The following SLC7A8 variants were observed in gnomAD, a reference collection of about 807,000 sequenced individuals.
The protein encoded by SLC7A8 is solute carrier family 7 member 8, also known as large neutral amino acids transporter small subunit 2.
A neutral mutation model predicts 51.2 loss-of-function variants in SLC7A8; 30 were observed. The observed-to-expected ratio is 0.59, with a 90% CI of 0.44 to 0.80. The LOEUF (loss-of-function observed/expected upper bound fraction) is 0.80, where lower values mean the gene tolerates loss of function less well. Ranked by LOEUF, SLC7A8 falls within the 30% of genes least tolerant of loss-of-function variation. SLC7A8 has a pLI of 0.00. For synonymous variants in SLC7A8, 257 were observed against 275.8 expected, an observed-to-expected ratio of 0.93 and a Z score of 0.67; for missense variants, 612 against 674.4, an observed-to-expected ratio of 0.91 and a Z score of 1.03.
chr14:23,140,724 T>TGTTGAGCCGTAGATGCCGTCG, intron 4 of SLC7A8, 100 bp from the exon 5 acceptor site: 1 of 1,174,046 alleles, frequency 8.5e-7, no homozygotes, highest in Non-Finnish European at 1.2e-6. Flanking sequence ...CCTGTGGCAA[T>TGTTGAGCCGTAGATGCCGTCG]GACACCAACT....
Position 23,127,961 on chromosome 14 carries a change from G to T in SLC7A8, c.1441+58C>A. 2.6e-6 allele frequency: 4 copies of T among 1,518,764 alleles called. No individual in the cohort carries two copies. In the South Asian group the frequency reaches 3.7e-5, roughly 14 times the overall value. The allele number at this position is 1,518,764 out of a possible 1,614,324, so 94.1% of individuals were successfully genotyped here. On this transcript the variant is annotated intron_variant, in intron 10 of 10. Coordinates refer to ENST00000316902, the MANE Select transcript of SLC7A8 (RefSeq NM_012244.4). The stretch of plus-strand genomic sequence containing the variant: ...CTGGTGGCTCCCCAACCCCATCACT[G>T]ACCACTGCATTCCAGCCCAGGAGGC...
chr14:23,133,819 G>A (rs966142015), intron 7 of SLC7A8, among the ~76,000 whole-genome samples: 3 of 151,130 alleles, frequency 2.0e-5, no homozygotes, highest in African/African-American at 4.9e-5. Flanking sequence ...GTGAAACTCT[G>A]TCTCAAAGAA....
At chr14:23,168,469 C>T (rs1337512016) in intron 1 of SLC7A8, among the ~76,000 whole-genome samples, 1 of 152,134 alleles carries the variant, frequency 6.6e-6, no homozygotes, top group African/African-American at 2.4e-5. Context: ...AAATTCCTTG[C>T]CTAGCAGGAA....
intron 9 of SLC7A8, 76 bp downstream of exon 9, chr14:23,129,574 G>A: frequency 6.5e-7 from 1 of 1,530,882 alleles, no homozygotes; most frequent in South Asian, 1.2e-5. Context: ...GCTAAGAACA[G>A]AGGTGATTTA....
At chr14:23,129,937 T>C in intron 8 of SLC7A8, 138 bp from the exon 9 acceptor site, 1 of 867,158 alleles carries the variant, frequency 1.2e-6, no homozygotes, top group Non-Finnish European at 1.8e-6. Flanking sequence ...CTTTAGAACC[T>C]CCCCTAGTAA....
chr14:23,137,771 A>T (rs924203236), intron 7 of SLC7A8, 150 bp downstream of exon 7: 4 of 922,292 alleles, frequency 4.3e-6, no homozygotes, highest in Non-Finnish European at 1.6e-6. Flanking sequence ...ACTGACACAC[A>T]CGCCCTCATG....
chr14:23,143,196 T>C lies in SLC7A8; in HGVS notation c.517A>G (p.Thr173Ala). The C allele has an allele frequency of 6.2e-7, 1 of 1,614,202 alleles. No individual in the cohort carries two copies. Among genetic ancestry groups the C allele is most frequent in the African/African-American group, 1.3e-5 (1 of 75,070 alleles). ...LLAAICLLLL[T>A]WVNCSSVRWA... ...CGCACACTGGAACAGTTGACCCATG[T>C]GAGGAGCACTGAAATGAAAGACCCC... The change falls in exon 4 of 11, where the codon ACA (threonine) becomes GCA (alanine). Residue 173 changes from threonine (T) to alanine (A), a missense_variant. Thr to Ala is a moderately conservative substitution (Grantham distance 58). Coordinates refer to ENST00000316902, the MANE Select transcript of SLC7A8 (RefSeq NM_012244.4).
intron 5 of SLC7A8, among the ~76,000 whole-genome samples, chr14:23,139,781 G>A (rs1286593022): frequency 6.6e-6 from 1 of 152,220 alleles, no homozygotes; most frequent in African/African-American, 2.4e-5. Context: ...AGGCCAAGGA[G>A]GGAGGATTGT....
At chr14:23,143,302 A>G in intron 3 of SLC7A8, 98 bp from the exon 4 acceptor site, 1 of 1,519,690 alleles carries the variant, frequency 6.6e-7, no homozygotes, top group South Asian at 1.2e-5. Context: ...CCTGACGATG[A>G]CATTGTAGTA....
chr14:23,182,774 A>G lies in SLC7A8; in HGVS notation c.141T>C (p.Gly47=). 1 of 1,583,144 alleles carries G rather than the reference A, an allele frequency of 6.3e-7. No homozygotes were observed. The highest frequency in any genetic ancestry group is 8.6e-7 in the Non-Finnish European group (1 of 1,166,542). Residue 47 remains glycine, a synonymous_variant, in exon 1 of 11, where the codon GGT becomes GGC. Coordinates refer to ENST00000316902, the MANE Select transcript of SLC7A8 (RefSeq NM_012244.4). ...AGGAATGGAACTCACCTACGATGAT[A>G]CCACAGGCACTGACCAATCCGATCT... The part of the protein sequence containing the change: ...KKEIGLVSAC[G]IIVGNIIGSG...
intron 7 of SLC7A8, among the ~76,000 whole-genome samples, chr14:23,132,677 C>T (rs921537189): frequency 6.0e-4 from 91 of 151,342 alleles, no homozygotes; most frequent in African/African-American, 2.2e-3. Flanking sequence ...CTCTTGTTGC[C>T]CAGGCTGGAG....
chr14:23,182,442 AAC>A (rs1267402956), intron 1 of SLC7A8, among the ~76,000 whole-genome samples: 2 of 152,160 alleles, frequency 1.3e-5, no homozygotes, highest in African/African-American at 4.8e-5. Flanking sequence ...AAACCTATTG[AAC>A]TAGAACCTCC....
chr14:23,141,483 T>C (rs2140313439), intron 4 of SLC7A8, among the ~76,000 whole-genome samples: 1 of 152,356 alleles, frequency 6.6e-6, no homozygotes, highest in East Asian at 1.9e-4. Flanking sequence ...GGAGTCTCGC[T>C]CTGTCGCCCA....
At chr14:23,151,921 T>C (rs2048850818) in intron 3 of SLC7A8, among the ~76,000 whole-genome samples, 1 of 151,926 alleles carries the variant, frequency 6.6e-6, no homozygotes, top group African/African-American at 2.4e-5. Flanking sequence ...AAAATTAGCA[T>C]GCCTGTAATG....
At chr14:23,129,610 T>C (rs750284219) in intron 9 of SLC7A8, 40 bp downstream of exon 9, 3 of 1,605,148 alleles carry the variant, frequency 1.9e-6, no homozygotes, top group Admixed American at 1.7e-5. Context: ...GCTAGAACCA[T>C]AGAGGAAGGG....
At chr14:23,135,562 C>T (rs1294019415) in intron 7 of SLC7A8, among the ~76,000 whole-genome samples, 7 of 151,362 alleles carry the variant, frequency 4.6e-5, no homozygotes, top group South Asian at 4.2e-4. Flanking sequence ...ATTAGCCAGG[C>T]GTGGTGGCAG....
intron 3 of SLC7A8, among the ~76,000 whole-genome samples, chr14:23,145,526 CAAA>C (rs1406855619): frequency 2.4e-5 from 1 of 41,810 alleles, no homozygotes; most frequent in Non-Finnish European, 4.6e-5. Flanking sequence ...GACCACATCT[CAAA>C]AAAAAAAGAA....
intron 3 of SLC7A8, among the ~76,000 whole-genome samples, chr14:23,154,998 C>CAA (rs33973055): frequency 0.088 from 7,911 of 89,394 alleles, 466 homozygotes; most frequent in Non-Finnish European, 0.12. Context: ...ACACAACAGA[C>CAA]AAAAAAAAAA....
At chr14:23,138,159 C>T in intron 6 of SLC7A8, 135 bp from the exon 7 acceptor site, 1 of 1,124,872 alleles carries the variant, frequency 8.9e-7, no homozygotes, top group Non-Finnish European at 1.2e-6. Context: ...TCTTAATTGC[C>T]CCCACCCTCT....
Sources: allele counts gnomAD v4.1 joint callset (sites outside exome capture counted in the v4.1 genomes callset), GRCh38; gene constraint gnomAD v4.1.1; transcripts MANE v1.5; gene names NCBI Gene and HGNC (gene_info 2026-07-23, HGNC 2026-07-21).